The following ZZEF1 variants were observed in gnomAD, a reference collection of about 807,000 sequenced individuals.
ZZEF1 encodes the protein zinc finger ZZ-type and EF-hand domain-containing protein 1.
In ZZEF1, 157 loss-of-function variants were observed where a neutral mutation model predicts 342.8. The ratio of observed to expected loss-of-function variants is 0.46; its 90% confidence interval spans 0.40 to 0.52. The LOEUF (loss-of-function observed/expected upper bound fraction) is 0.52, where lower values mean the gene tolerates loss of function less well. Ranked by LOEUF, ZZEF1 falls within the 20% of genes least tolerant of loss-of-function variation. The pLI is 0.00. For synonymous variants in ZZEF1, 1,505 were observed against 1,429.1 expected (o/e 1.05, Z -1.20); for missense variants, 3,480 against 3,725.6 (o/e 0.93, Z 1.72).
intron 30 of ZZEF1, among the ~76,000 whole-genome samples, chr17:4,059,662 T>G (rs1306380880): frequency 6.6e-6 from 1 of 152,184 alleles, no homozygotes. Context: ...ATTGATGACT[T>G]TGGCACCAGC....
intron 2 of ZZEF1, among the ~76,000 whole-genome samples, chr17:4,120,849 T>G (rs150104850): frequency 5.6e-4 from 85 of 152,340 alleles, no homozygotes; most frequent in Middle Eastern, 3.4e-3. Flanking sequence ...TTTGGTAAAT[T>G]AATTTAGCCT....
intron 16 of ZZEF1, among the ~76,000 whole-genome samples, chr17:4,085,233 G>C (rs1188874993): frequency 1.3e-5 from 2 of 152,164 alleles, no homozygotes; most frequent in South Asian, 2.1e-4. Context: ...AGGAGGAAAG[G>C]GGGGTGAGGT....
intron 1 of ZZEF1, among the ~76,000 whole-genome samples, chr17:4,125,813 C>T (rs1373233497): frequency 1.3e-5 from 2 of 152,114 alleles, no homozygotes; most frequent in Non-Finnish European, 2.9e-5. Context: ...GGGAGTCACA[C>T]AGTCCTGATG....
chr17:4,132,383 C>T (rs1204216443), intron 1 of ZZEF1, among the ~76,000 whole-genome samples: 1 of 151,858 alleles, frequency 6.6e-6, no homozygotes, highest in Non-Finnish European at 1.5e-5. Context: ...GGGGTTTCAC[C>T]ATGTTGGCCA....
At chr17:4,032,417 G>A (rs1429883012) in intron 41 of ZZEF1, among the ~76,000 whole-genome samples, 159 bp from the exon 42 acceptor site, 1 of 152,202 alleles carries the variant, frequency 6.6e-6, no homozygotes, top group African/African-American at 2.4e-5. Flanking sequence ...TCTGCCACAG[G>A]CTGGCACAGA....
chr17:4,044,313 T>C lies in ZZEF1; in HGVS notation c.6077A>G (p.Asp2026Gly), dbSNP rs1416419730. Reference sequence around the variant, plus strand: ...ATCCTTCGATAATGATACACCTTTATCTGCCTTATTTCTCTGCTTGAAATC... The same window carrying C: ...ATCCTTCGATAATGATACACCTTTACCTGCCTTATTTCTCTGCTTGAAATC... ...PVDFKQRNKA[D>G]KGVSLSKDPS... The change falls in exon 38 of 55, where the codon GAT (aspartate) becomes GGT (glycine). Residue 2026 changes from aspartate (D) to glycine (G), a missense_variant. This residue lies in a region of ZZEF1 where 1,269 missense variants were observed against 1,342.4 expected (regional missense o/e 0.95). Transcript: ENST00000381638. 1 of 1,614,178 alleles carries C rather than the reference T, an allele frequency of 6.2e-7. No individual in the cohort carries two copies. Among genetic ancestry groups the C allele is most frequent in the Non-Finnish European group, 8.5e-7 (1 of 1,180,006 alleles).
Position 4,095,982 on chromosome 17 carries a change from G to T in ZZEF1, c.1765-3C>A, listed in dbSNP as rs1399557290. 6.2e-7 allele frequency: 1 copy of T among 1,605,554 alleles called. No individual in the cohort carries two copies. The highest frequency in any genetic ancestry group is 8.5e-7 in the Non-Finnish European group (1 of 1,175,384). On this transcript the variant is annotated splice_region_variant and splice_polypyrimidine_tract_variant and intron_variant, in intron 10 of 54. Transcript: ENST00000381638. ...GCACCAATGCCACCACGTCGAACCT[G>T]GAAACAGAGATTAGGATGAAGTCTA...
intron 16 of ZZEF1, among the ~76,000 whole-genome samples, chr17:4,085,231 AG>A (rs1422776265): frequency 2.0e-5 from 3 of 152,132 alleles, no homozygotes; most frequent in Non-Finnish European, 2.9e-5. Context: ...AAAGGAGGAA[AG>A]GGGGGTGAGG....
chr17:4,141,110 C>T (rs1371512917), intron 1 of ZZEF1, among the ~76,000 whole-genome samples: 4 of 152,064 alleles, frequency 2.6e-5, no homozygotes, highest in South Asian at 4.1e-4. Context: ...GGTTTCACCA[C>T]GTTGGCCAGG....
In ZZEF1 at chr17:4,014,381, C is replaced by T. The variant is rs377245013; in HGVS notation, c.8280G>A (p.Gly2760=). The change falls in exon 50 of 55, where the codon GGG becomes GGA. Residue 2760 remains glycine (G), a synonymous_variant. Coordinates refer to ENST00000381638, the MANE Select transcript of ZZEF1 (RefSeq NM_015113.4). This position sits in a 1 kb window ranked among gnomAD's most constrained non-coding sequence, Gnocchi z 4.4. ...DFQQDRHSFS[G]SQQKWKDFEL... is the part of the protein sequence containing the mutation. ...CAAAATCTTTCCACTTCTGCTGAGACCCGCTGAAGCTGTGTCGGTCTTGCT... is the reference window on the plus strand; with the variant it reads ...CAAAATCTTTCCACTTCTGCTGAGATCCGCTGAAGCTGTGTCGGTCTTGCT... 11 of 1,614,104 alleles carry T rather than the reference C, an allele frequency of 6.8e-6. No homozygotes were observed.
chr17:4,137,987 G>C (rs900879477), intron 1 of ZZEF1, among the ~76,000 whole-genome samples: 2 of 140,148 alleles, frequency 1.4e-5, no homozygotes, highest in African/African-American at 2.8e-5. Flanking sequence ...GGGCTCATGC[G>C]GGGGTAGGGG....
intron 39 of ZZEF1, among the ~76,000 whole-genome samples, chr17:4,040,924 G>A (rs974667150): frequency 6.6e-6 from 1 of 152,210 alleles, no homozygotes; most frequent in Admixed American, 6.5e-5. Context: ...GTTGCTCAAC[G>A]TGCTACCCAG....
intron 10 of ZZEF1, 65 bp downstream of exon 10, chr17:4,096,544 A>G (rs1199676223): frequency 1.5e-6 from 2 of 1,339,650 alleles, no homozygotes; most frequent in Non-Finnish European, 2.1e-6. Flanking sequence ...TATACCTACT[A>G]TGTACCCATA....
chr17:4,133,790 C>T (rs2058706439), intron 1 of ZZEF1, among the ~76,000 whole-genome samples: 1 of 151,812 alleles, frequency 6.6e-6, no homozygotes, highest in African/African-American at 2.4e-5. Context: ...AGCGTGATCA[C>T]AGCTCACTGC....
chr17:4,066,498 C>T lies in ZZEF1; in HGVS notation c.4198G>A (p.Ala1400Thr). The change falls in exon 28 of 55, where the codon GCA becomes ACA. Residue 1400 changes from alanine to threonine, a missense_variant. Ala to Thr is a moderately conservative substitution (Grantham distance 58). Around this residue, in one of 5 missense-constraint regions of ZZEF1, gnomAD observed 1,528 missense variants for 1,624.1 expected, o/e 0.94. Coordinates refer to ENST00000381638, the MANE Select transcript of ZZEF1 (RefSeq NM_015113.4). ...QKSLMSLGNE[A>T]EEKHSSEATE... ...GCTTCTGAACTATGTTTTTCTTCTG[C>T]TTCATTCCCCAGGCTCATCAGGGAC... The T allele has an allele frequency of 3.1e-6, 5 of 1,614,158 alleles. No individual in the cohort carries two copies. Among genetic ancestry groups the T allele is most frequent in the Non-Finnish European group, 4.2e-6 (5 of 1,180,032 alleles).
chr17:4,035,671 C>T (rs989641188), intron 39 of ZZEF1, among the ~76,000 whole-genome samples: 7 of 152,146 alleles, frequency 4.6e-5, no homozygotes, highest in Non-Finnish European at 7.4e-5. Flanking sequence ...AGGGCATCTG[C>T]GCGGGGAGTT....
chr17:4,142,516 C>G (rs771236854), intron 1 of ZZEF1, 26 bp downstream of exon 1: 2 of 1,586,896 alleles, frequency 1.3e-6, no homozygotes, highest in Non-Finnish European at 1.7e-6. Flanking sequence ...CCTGCCCCAT[C>G]CCCGCAGTCG....
In ZZEF1 at chr17:4,052,114, G is replaced by C; in HGVS notation, c.5457C>G (p.His1819Gln). The C allele has an allele frequency of 6.2e-7, 1 of 1,613,394 alleles. No individual in the cohort carries two copies. The highest frequency in any genetic ancestry group is 8.5e-7 in the Non-Finnish European group (1 of 1,179,714). Residue 1819 changes from histidine (H) to glutamine (Q), a missense_variant, in exon 35 of 55, where the codon CAC (histidine) becomes CAG (glutamine). This residue lies in a region of ZZEF1 where 175 missense variants were observed against 254.6 expected (regional missense o/e 0.69). Coordinates refer to ENST00000381638, the MANE Select transcript of ZZEF1 (RefSeq NM_015113.4). ...CFLGGVKPEG[H>Q]GDDHEMVNME... ...TGTTGACCATTTCATGGTCGTCTCC[G>C]TGGCCCTCAGGCTTCACCCCACCTG...
rs10522603 is a variant in ZZEF1 at position 4,087,783 on chromosome 17, AACACACACAC to A, written c.2242-259_2242-250del. Among the ~76,000 whole-genome samples, 67 of 146,086 alleles carry A rather than the reference AACACACACAC, an allele frequency of 4.6e-4. No homozygotes were observed. The South Asian group carries it at 7.5e-3, about 16-fold the overall frequency. On this transcript the variant is annotated intron_variant, in intron 13 of 54. Coordinates refer to ENST00000381638, the MANE Select transcript of ZZEF1 (RefSeq NM_015113.4). Reference sequence around the variant, plus strand: ...TAAGTGTATATAGATATATACACACAACACACACACACACACACACACACACACACACACA... The same window carrying A: ...TAAGTGTATATAGATATATACACACAACACACACACACACACACACACACA...
Sources: allele counts gnomAD v4.1 joint callset (sites outside exome capture counted in the v4.1 genomes callset), GRCh38; gene constraint gnomAD v4.1.1; regional missense constraint gnomAD v4.1.1; non-coding constraint Gnocchi (gnomAD v3.1); transcripts MANE v1.5; gene names NCBI Gene and HGNC (gene_info 2026-07-23, HGNC 2026-07-21).